BMPR1B: variants seen among roughly 807,000 people sequenced by gnomAD.
BMPR1B encodes the protein bone morphogenetic protein receptor type 1B.
BMPR1B carries 12 observed loss-of-function variants against 59.1 expected under a neutral mutation model. The ratio of observed to expected loss-of-function variants is 0.20; its 90% confidence interval spans 0.13 to 0.33. The LOEUF is 0.33. Ranked by LOEUF, BMPR1B falls within the 10% of genes least tolerant of loss-of-function variation. The probability of loss-of-function intolerance (pLI) is 1.00; values close to 1 mark genes in which losing one functional copy is unlikely to be tolerated. For missense variants in BMPR1B, 550 were observed against 610.9 expected, an observed-to-expected ratio of 0.90 and a Z score of 1.05; for synonymous variants, 237 against 207.3, an observed-to-expected ratio of 1.14 and a Z score of -1.23.
chr4:94,842,724 C>T (rs1464529498), intron 1 of BMPR1B, among the ~76,000 whole-genome samples: 1 of 152,140 alleles, frequency 6.6e-6, no homozygotes, highest in South Asian at 2.1e-4. Flanking sequence ...TGTAATTGAG[C>T]TGCAGGACAA....
At chr4:94,942,775 C>T (rs1729566443) in intron 2 of BMPR1B, among the ~76,000 whole-genome samples, 1 of 152,112 alleles carries the variant, frequency 6.6e-6, no homozygotes, top group African/African-American at 2.4e-5. Flanking sequence ...AGAAATGTTG[C>T]CTTAGAGTTG....
In BMPR1B at chr4:95,041,545, G is replaced by A. The variant is rs1051192258; in HGVS notation, c.-18+45411G>A. ...GCTCCAGCCCTCAGACTTTCTGGTA[G>A]TCATGTTTGCTGAGTGAATCTTACC... is the stretch of plus-strand genomic sequence containing the variant. On this transcript the variant is annotated intron_variant, in intron 3 of 12. Transcript: ENST00000515059. Among the ~76,000 whole-genome samples the A allele has an allele frequency of 2.6e-5, 4 of 151,530 alleles. No individual in the cohort carries two copies. In the East Asian group the frequency reaches 7.8e-4, roughly 29 times the overall value.
intron 1 of BMPR1B, among the ~76,000 whole-genome samples, chr4:94,762,522 A>G (rs928318445): frequency 1.8e-4 from 28 of 152,206 alleles, no homozygotes; most frequent in African/African-American, 5.1e-4. Flanking sequence ...CAAGCTAGGC[A>G]CTCACTGGCC....
intron 2 of BMPR1B, among the ~76,000 whole-genome samples, chr4:94,919,758 A>T (rs1258554659): frequency 2.0e-5 from 3 of 152,148 alleles, no homozygotes; most frequent in African/African-American, 7.2e-5. Flanking sequence ...CCAGCTCTTG[A>T]TATGGGAATG....
intron 2 of BMPR1B, among the ~76,000 whole-genome samples, chr4:94,926,735 G>T (rs534624798): frequency 6.6e-6 from 1 of 151,748 alleles, no homozygotes; most frequent in Non-Finnish European, 1.5e-5. Context: ...TGTGTAAATG[G>T]CTACCTTTGC....
At chr4:94,994,479 C>A (rs926010834) in intron 2 of BMPR1B, among the ~76,000 whole-genome samples, 4 of 152,184 alleles carry the variant, frequency 2.6e-5, no homozygotes, top group Non-Finnish European at 4.4e-5. Flanking sequence ...CTCCTCTAGT[C>A]TTCTTGCTAC....
chr4:94,872,192 C>G (rs780556184), intron 1 of BMPR1B, among the ~76,000 whole-genome samples: 1 of 152,276 alleles, frequency 6.6e-6, no homozygotes, highest in African/African-American at 2.4e-5. Flanking sequence ...CTTTTAAAAT[C>G]TTTTAGCTTC....
chr4:94,934,048 A>G (rs1729194130), intron 2 of BMPR1B, among the ~76,000 whole-genome samples: 1 of 152,172 alleles, frequency 6.6e-6, no homozygotes, highest in African/African-American at 2.4e-5. Flanking sequence ...AAGGTGAACA[A>G]TAACTGATAG....
intron 3 of BMPR1B, among the ~76,000 whole-genome samples, chr4:95,007,604 G>A (rs1336659658): frequency 6.6e-6 from 1 of 152,130 alleles, no homozygotes; most frequent in African/African-American, 2.4e-5. Flanking sequence ...AACTCCTGTT[G>A]TAAAATGTTT....
At chr4:95,034,449 A>T (rs1836266) in intron 3 of BMPR1B, among the ~76,000 whole-genome samples, 12,101 of 151,922 alleles carry the variant, frequency 0.08, 583 homozygotes, top group Middle Eastern at 0.11. Flanking sequence ...CATCCCACAG[A>T]GTCCCCAAAG....
At chr4:94,832,886 T>C (rs17428501) in intron 1 of BMPR1B, among the ~76,000 whole-genome samples, 18,249 of 152,066 alleles carry the variant, frequency 0.12, 1,165 homozygotes, top group Non-Finnish European at 0.13. Flanking sequence ...CTTGAGCAGG[T>C]CATGTCTGTG....
intron 3 of BMPR1B, among the ~76,000 whole-genome samples, chr4:95,084,055 C>T (rs1006595568): frequency 1.3e-5 from 2 of 151,926 alleles, no homozygotes; most frequent in African/African-American, 4.8e-5. Flanking sequence ...AAATCCCTTC[C>T]TCAGTAAAGT....
intron 1 of BMPR1B, among the ~76,000 whole-genome samples, chr4:94,782,348 C>T (rs1365756939): frequency 6.7e-6 from 1 of 150,288 alleles, no homozygotes; most frequent in African/African-American, 2.5e-5. Context: ...TTTTGTCACC[C>T]AGGCTGGAGT....
intron 2 of BMPR1B, among the ~76,000 whole-genome samples, chr4:94,937,145 G>A (rs1351013901): frequency 6.6e-6 from 1 of 151,970 alleles, no homozygotes; most frequent in Non-Finnish European, 1.5e-5. Flanking sequence ...CATTGTACTG[G>A]CCTGCTCACT....
intron 2 of BMPR1B, among the ~76,000 whole-genome samples, chr4:94,968,818 A>C (rs1314143505): frequency 6.6e-6 from 1 of 152,124 alleles, no homozygotes; most frequent in African/African-American, 2.4e-5. Flanking sequence ...CTTTTTGTAT[A>C]ATACTCATAT....
intron 2 of BMPR1B, among the ~76,000 whole-genome samples, chr4:94,934,132 G>T (rs1729198198): frequency 6.6e-6 from 1 of 152,118 alleles, no homozygotes; most frequent in Admixed American, 6.5e-5. Context: ...GTTCATTTCA[G>T]TTATTTGTAG....
rs137856864 is a variant in BMPR1B, at chr4:94,975,247, G to A, written c.-112-20793G>A. ...CAGAACCATTAACTCTGTCCAGGAA[G>A]TTGCCTTGAGCGTTCTCAGAGATTG... On this transcript the variant is annotated intron_variant, in intron 2 of 12. Transcript: ENST00000515059. Among the ~76,000 whole-genome samples the A allele has an allele frequency of 5.4e-3, 821 of 152,162 alleles. 5 individuals are homozygous for A. The highest frequency in any genetic ancestry group is 0.019 in the African/African-American group (770 of 41,522).
At chr4:95,109,885 G>A (rs538199383) in intron 4 of BMPR1B, among the ~76,000 whole-genome samples, 66 of 104,636 alleles carry the variant, frequency 6.3e-4, no homozygotes, top group East Asian at 5.6e-3. Flanking sequence ...AACAGTCCCC[G>A]GTGTGTGATG....
chr4:94,831,816 C>CGA (rs915594226), intron 1 of BMPR1B, among the ~76,000 whole-genome samples: 3 of 152,152 alleles, frequency 2.0e-5, no homozygotes, highest in Non-Finnish European at 4.4e-5. Flanking sequence ...TGCCTGAGCT[C>CGA]TGTCTCCTGT....
Sources: allele counts gnomAD v4.1 joint callset (sites outside exome capture counted in the v4.1 genomes callset), GRCh38; gene constraint gnomAD v4.1.1; transcripts MANE v1.5; gene names NCBI Gene and HGNC (gene_info 2026-07-23, HGNC 2026-07-21).